MCCC1: variants seen among roughly 807,000 people sequenced by gnomAD.
MCCC1 encodes the protein methylcrotonoyl-CoA carboxylase subunit alpha, mitochondrial.
A neutral mutation model predicts 83.8 loss-of-function variants in MCCC1; 64 were observed. That is an observed-to-expected ratio of 0.76 (90% CI 0.62 to 0.94). MCCC1 has a LOEUF of 0.94. Ranked by LOEUF, MCCC1 falls within the 40% of genes least tolerant of loss-of-function variation. The probability of loss-of-function intolerance (pLI) is 0.00; values close to 1 mark genes in which losing one functional copy is unlikely to be tolerated. For synonymous variants in MCCC1, 322 were observed against 315.4 expected, an observed-to-expected ratio of 1.02 and a Z score of -0.22; for missense variants, 807 against 904.7, an observed-to-expected ratio of 0.89 and a Z score of 1.39.
Position 183,071,324 on chromosome 3 carries a change from T to C in MCCC1, c.525A>G (p.Val175=), listed in dbSNP as rs1440973649. The change falls in exon 6 of 19, where the codon GTA becomes GTG. Residue 175 remains valine, a synonymous_variant. Coordinates refer to ENST00000265594, the MANE Select transcript of MCCC1 (RefSeq NM_020166.5). ...TSKSIMAAAG[V]PVVEGYHGED... ...CACCATGATAACCCTCCACAACAGG[T>C]ACTCCAGCAGCAGCCATTATGGATT... The C allele has an allele frequency of 1.2e-6, 2 of 1,614,072 alleles. No homozygotes were observed. The highest frequency in any genetic ancestry group is 2.7e-5 in the African/African-American group (2 of 74,922).
chr3:183,028,934 A>G (rs1463751325), intron 14 of MCCC1, among the ~76,000 whole-genome samples: 3 of 152,260 alleles, frequency 2.0e-5, no homozygotes, highest in African/African-American at 7.2e-5. Context: ...ATCTCACTGG[A>G]GGCTTAGATA....
intron 3 of MCCC1, chr3:183,091,049 G>A (rs748443925): frequency 1.1e-5 from 5 of 456,570 alleles, no homozygotes; most frequent in South Asian, 7.7e-5. Context: ...AAGGTGGGTA[G>A]AGGGAGAATT....
At chr3:183,060,257 T>C (rs1715721843) in intron 7 of MCCC1, among the ~76,000 whole-genome samples, 1 of 152,250 alleles carries the variant, frequency 6.6e-6, no homozygotes, top group Non-Finnish European at 1.5e-5. Context: ...GTTCACAAAT[T>C]TGTATTTATT....
intron 7 of MCCC1, among the ~76,000 whole-genome samples, chr3:183,070,308 C>A (rs1444458688): frequency 2.6e-5 from 4 of 152,028 alleles, no homozygotes; most frequent in African/African-American, 9.7e-5. Flanking sequence ...TAAATTTCAT[C>A]AACAAGAAAC....
rs571550006 is a variant in MCCC1, at chr3:183,064,211, G to C, written c.761+6788C>G. ...GCATGTACAGGATGGTGGGACATGGGGAGCTTTTACCTCCCTAAAAGGAGA... is the reference window on the plus strand; with the variant it reads ...GCATGTACAGGATGGTGGGACATGGCGAGCTTTTACCTCCCTAAAAGGAGA... On this transcript the variant is annotated intron_variant, in intron 7 of 18. Coordinates refer to ENST00000265594, the MANE Select transcript of MCCC1 (RefSeq NM_020166.5). The surrounding 1 kb of genome is among the most constrained non-coding windows in gnomAD (Gnocchi z 4.5). Among the ~76,000 whole-genome samples the C allele has an allele frequency of 3.9e-4, 59 of 151,896 alleles. 1 individual carries two copies. Among genetic ancestry groups the C allele is most frequent in the Middle Eastern group, 3.4e-3 (1 of 290 alleles).
chr3:183,054,235 G>A (rs879340281), intron 8 of MCCC1, among the ~76,000 whole-genome samples: 2 of 150,326 alleles, frequency 1.3e-5, no homozygotes, highest in Admixed American at 6.6e-5. Context: ...GCCCAGGCTG[G>A]AGTGCAGTGG....
intron 1 of MCCC1, among the ~76,000 whole-genome samples, chr3:183,113,172 C>T (rs1460103594): frequency 6.8e-6 from 1 of 146,830 alleles, no homozygotes; most frequent in Non-Finnish European, 1.5e-5. Context: ...TGCAGTGAGC[C>T]GAGATGGCTC....
chr3:183,103,869 T>C (rs1471423796), upstream of MCCC1, among the ~76,000 whole-genome samples: 1 of 152,190 alleles, frequency 6.6e-6, no homozygotes, highest in Non-Finnish European at 1.5e-5. Context: ...CATGGCGGGC[T>C]GCAGGTCCCG....
chr3:183,081,157 T>C (rs1230037938), intron 4 of MCCC1, among the ~76,000 whole-genome samples: 1 of 152,198 alleles, frequency 6.6e-6, no homozygotes, highest in Non-Finnish European at 1.5e-5. Context: ...CAATTTAATA[T>C]AACCAAACCA....
intron 7 of MCCC1, among the ~76,000 whole-genome samples, chr3:183,063,226 C>G (rs1257694162): frequency 6.6e-6 from 1 of 152,138 alleles, no homozygotes; most frequent in African/African-American, 2.4e-5. Context: ...TCGTGATCTG[C>G]CCACCTCAGC....
intron 4 of MCCC1, among the ~76,000 whole-genome samples, chr3:183,080,309 C>T (rs969317963): frequency 1.3e-5 from 2 of 152,336 alleles, no homozygotes; most frequent in Admixed American, 1.3e-4. Context: ...CTCTTGAATG[C>T]TTTTCTGCTT....
In MCCC1 at chr3:183,031,731, C is replaced by T. The variant is rs569629141; in HGVS notation, c.1681+2260G>A. Among the ~76,000 whole-genome samples, 3 of 151,886 alleles carry T rather than the reference C, an allele frequency of 2.0e-5. No individual in the cohort carries two copies. The South Asian group carries it at 6.3e-4, about 32-fold the overall frequency. On this transcript the variant is annotated intron_variant, in intron 14 of 18. Transcript: ENST00000265594. The stretch of plus-strand genomic sequence containing the variant: ...GCCAGGATGGTCTCCATCTCCTGAC[C>T]TCGTGATCCACCTGCCTCAGCCTCC...
chr3:183,015,622 A>T (rs1429069379), intron 18 of MCCC1, 56 bp from the exon 19 acceptor site: 1 of 1,608,788 alleles, frequency 6.2e-7, no homozygotes, highest in Non-Finnish European at 8.5e-7. Flanking sequence ...AGGACTGAGT[A>T]TACACCAAGT....
At chr3:183,103,722 C>T (rs927143507), upstream of MCCC1, among the ~76,000 whole-genome samples, 7 of 152,252 alleles carry the variant, frequency 4.6e-5, no homozygotes, top group African/African-American at 1.7e-4. Flanking sequence ...GTGGAGCTGC[C>T]TGCCAGTCCC....
chr3:183,050,532 G>A (rs1331308739), intron 9 of MCCC1, among the ~76,000 whole-genome samples: 3 of 151,872 alleles, frequency 2.0e-5, no homozygotes, highest in East Asian at 3.9e-4. Flanking sequence ...GTGAAACCCC[G>A]CCTCTACTAA....
At chr3:183,046,752 G>A (rs977451494) in intron 9 of MCCC1, among the ~76,000 whole-genome samples, 1 of 152,164 alleles carries the variant, frequency 6.6e-6, no homozygotes, top group Non-Finnish European at 1.5e-5. Context: ...CTTAGAAGCT[G>A]CCACTCTGTC....
Position 183,083,766 on chromosome 3 carries a change from T to G in MCCC1, c.369+2927A>C, listed in dbSNP as rs558214583. On this transcript the variant is annotated intron_variant, in intron 4 of 18. Coordinates refer to ENST00000265594, the MANE Select transcript of MCCC1 (RefSeq NM_020166.5). ...ATTTTCAATTCTTCAGGAGGCAGCTTAGAAAAGAAAGCAATAATAAAACAA... is the reference window on the plus strand; with the variant it reads ...ATTTTCAATTCTTCAGGAGGCAGCTGAGAAAAGAAAGCAATAATAAAACAA... 1.4e-4 allele frequency among the ~76,000 whole-genome samples: 21 copies of G among 152,286 alleles called. No individual in the cohort carries two copies. In the South Asian group the frequency reaches 4.4e-3, roughly 32 times the overall value.
chr3:183,054,669 G>A (rs1715278400), intron 8 of MCCC1, among the ~76,000 whole-genome samples: 1 of 152,082 alleles, frequency 6.6e-6, no homozygotes, highest in Non-Finnish European at 1.5e-5. Context: ...AGTATACAGT[G>A]TTTACCAAGT....
rs549996969 is a variant in MCCC1 at position 183,063,577 on chromosome 3, C to G, written c.762-6155G>C. Among the ~76,000 whole-genome samples, 5 of 152,282 alleles carry G rather than the reference C, an allele frequency of 3.3e-5. No homozygotes were observed. The South Asian group carries it at 1.0e-3, about 32-fold the overall frequency. On this transcript the variant is annotated intron_variant, in intron 7 of 18. Coordinates refer to ENST00000265594, the MANE Select transcript of MCCC1 (RefSeq NM_020166.5). ...GATATTTAAATGTTATTACTAGAGG[C>G]TGTTCTCTCTATGGAGTAGCCATTC...
Sources: gnomAD v4.1 joint callset for allele counts (sites outside exome capture counted in the v4.1 genomes callset) on GRCh38, gnomAD v4.1.1 for gene constraint, Gnocchi (gnomAD v3.1) non-coding constraint, MANE v1.5 for transcripts, NCBI Gene and HGNC (gene_info 2026-07-23, HGNC 2026-07-21) for gene names.